TLL1: variants seen among roughly 807,000 people sequenced by gnomAD.
The protein encoded by TLL1 is tolloid like 1.
In TLL1, 49 loss-of-function variants were observed where a neutral mutation model predicts 128.2. That is an observed-to-expected ratio of 0.38 (90% CI 0.30 to 0.48). TLL1 has a LOEUF of 0.48. TLL1 is among the 20% of genes least tolerant of loss of function. The pLI is 0.96. For synonymous variants in TLL1, 454 were observed against 418.8 expected (o/e 1.08, Z -1.03); for missense variants, 1,123 against 1,242.0 (o/e 0.90, Z 1.44).
At chr4:166,009,157 T>A (rs79385438) in intron 7 of TLL1, among the ~76,000 whole-genome samples, 3,249 of 151,602 alleles carry the variant, frequency 0.021, 92 homozygotes, top group African/African-American at 0.074. Context: ...TTGATAGAAA[T>A]AACATGCTCA....
At chr4:166,065,322 T>C (rs1049486849) in intron 15 of TLL1, among the ~76,000 whole-genome samples, 2 of 152,088 alleles carry the variant, frequency 1.3e-5, no homozygotes, top group Non-Finnish European at 2.9e-5. Context: ...AAGTTACTAA[T>C]GGTGCTGTTC....
At chr4:165,909,189 A>AAAAAAAG (rs1462935873) in intron 1 of TLL1, among the ~76,000 whole-genome samples, 1 of 152,186 alleles carries the variant, frequency 6.6e-6, no homozygotes, top group Non-Finnish European at 1.5e-5. Flanking sequence ...TCCGTCTCAA[A>AAAAAAAG]AAAAAAGAAA....
chr4:166,092,362 A>C (rs1337174954), intron 19 of TLL1, among the ~76,000 whole-genome samples: 1 of 152,062 alleles, frequency 6.6e-6, no homozygotes, highest in Non-Finnish European at 1.5e-5. Flanking sequence ...TATTGTCAGG[A>C]TACTAATCTG....
Position 166,003,472 on chromosome 4 carries a change from T to G in TLL1, c.714T>G (p.Val238=). Residue 238 remains valine, a synonymous_variant, in exon 6 of 21, where the codon GTT becomes GTG. Transcript: ENST00000061240. ...IGKNCDKFGI[V]VHELGHVIGF... is the part of the protein sequence containing the mutation. ...AGAACTGTGATAAATTTGGGATTGT[T>G]GTTCATGAATTGGGTCATGTGATAG... is the stretch of plus-strand genomic sequence containing the variant. 3 of 1,614,042 alleles carry G rather than the reference T, an allele frequency of 1.9e-6. No individual in the cohort carries two copies. The highest frequency in any genetic ancestry group is 2.5e-6 in the Non-Finnish European group (3 of 1,179,966).
chr4:165,934,351 A>C (rs898413332), intron 1 of TLL1, among the ~76,000 whole-genome samples: 1 of 152,008 alleles, frequency 6.6e-6, no homozygotes, highest in African/African-American at 2.4e-5. Flanking sequence ...GCCTGCTGGG[A>C]AACACTTTTT....
rs28391614 is a variant in TLL1 at position 165,873,640 on chromosome 4, C to G, written c.-265C>G. On this transcript the variant is annotated 5_prime_UTR_variant, in exon 1 of 21. Transcript: ENST00000061240. Reference sequence around the variant, plus strand: ...AGTTTGCCTGCGCCCTCCCCGCCTCCGAGTGCAGAGTTCCTTACCTGCCCT... The same window carrying G: ...AGTTTGCCTGCGCCCTCCCCGCCTCGGAGTGCAGAGTTCCTTACCTGCCCT... 1.2e-5 allele frequency: 4 copies of G among 330,862 alleles called. No homozygotes were observed. Among genetic ancestry groups the G allele is most frequent in the Admixed American group, 4.7e-5 (1 of 21,466 alleles). The allele number at this position is 330,862 out of a possible 1,614,324, so 20.5% of individuals were successfully genotyped here.
Position 166,027,536 on chromosome 4 carries a change from C to G in TLL1, c.1158+2105C>G, listed in dbSNP as rs572933173. The stretch of plus-strand genomic sequence containing the variant: ...AAAAAGTTACAACTGACTTGGAATA[C>G]ATGAATGCATGCATAGTTCTTGATA... On this transcript the variant is annotated intron_variant, in intron 9 of 20. Coordinates refer to ENST00000061240, the MANE Select transcript of TLL1 (RefSeq NM_012464.5). Among the ~76,000 whole-genome samples the G allele has an allele frequency of 5.3e-5, 8 of 152,170 alleles. No homozygotes were observed. The South Asian group carries it at 1.7e-3, about 32-fold the overall frequency.
intron 1 of TLL1, among the ~76,000 whole-genome samples, chr4:165,884,152 G>T (rs1731078408): frequency 6.6e-6 from 1 of 152,194 alleles, no homozygotes; most frequent in Non-Finnish European, 1.5e-5. Flanking sequence ...ATTTACAGAA[G>T]TATGCCTCAC....
At chr4:165,951,629 G>A (rs1164030036) in intron 1 of TLL1, among the ~76,000 whole-genome samples, 1 of 152,112 alleles carries the variant, frequency 6.6e-6, no homozygotes, top group African/African-American at 2.4e-5. Flanking sequence ...TTACCCTAAT[G>A]ACATAGTACT....
At chr4:166,077,738 A>G (rs573539090) in intron 17 of TLL1, among the ~76,000 whole-genome samples, 165 bp from the exon 18 acceptor site, 43 of 152,290 alleles carry the variant, frequency 2.8e-4, no homozygotes, top group South Asian at 1.9e-3. Flanking sequence ...ATACTCAGCA[A>G]CGTATTTTCC....
At chr4:166,068,497 C>T (rs1740672831) in intron 16 of TLL1, among the ~76,000 whole-genome samples, 1 of 151,744 alleles carries the variant, frequency 6.6e-6, no homozygotes, top group African/African-American at 2.4e-5. Flanking sequence ...AGATATTATA[C>T]TTCACAAACA....
chr4:165,888,044 T>C (rs1731242452), intron 1 of TLL1, among the ~76,000 whole-genome samples: 1 of 152,226 alleles, frequency 6.6e-6, no homozygotes, highest in Admixed American at 6.5e-5. Context: ...TTTATATGTA[T>C]ATTCTTCATA....
intron 1 of TLL1, among the ~76,000 whole-genome samples, chr4:165,967,597 A>G (rs1735448331): frequency 6.6e-6 from 1 of 152,220 alleles, no homozygotes; most frequent in African/African-American, 2.4e-5. Flanking sequence ...ATTTTGCAAA[A>G]GAGTGATGTT....
chr4:166,015,469 A>G (rs2111052740), intron 8 of TLL1, among the ~76,000 whole-genome samples: 1 of 152,154 alleles, frequency 6.6e-6, no homozygotes, highest in East Asian at 1.9e-4. Context: ...AGTTTTACAT[A>G]GATAATTGGT....
Position 165,977,029 on chromosome 4 carries a change from T to C in TLL1, c.170-12352T>C, listed in dbSNP as rs543030565. 4.7e-4 allele frequency among the ~76,000 whole-genome samples: 72 copies of C among 152,288 alleles called. 1 individual carries two copies. The highest frequency in any genetic ancestry group is 1.7e-3 in the African/African-American group (69 of 41,564). On this transcript the variant is annotated intron_variant, in intron 1 of 20. Transcript: ENST00000061240. ...AGCCAAAAGATTGGATACCCCTGAA[T>C]GAAGAGATATTTAATCTTTAACTAT...
chr4:165,964,279 C>A (rs1019806724), intron 1 of TLL1, among the ~76,000 whole-genome samples: 1 of 152,136 alleles, frequency 6.6e-6, no homozygotes, highest in African/African-American at 2.4e-5. Flanking sequence ...ATTTAATAGG[C>A]TGTTGTGTAA....
rs549933755 is a variant in TLL1 at position 166,085,568 on chromosome 4, C to T, written c.2443-5560C>T. 3.3e-5 allele frequency among the ~76,000 whole-genome samples: 5 copies of T among 151,820 alleles called. No homozygotes were observed. In the South Asian group the frequency reaches 6.2e-4, roughly 19 times the overall value. The stretch of plus-strand genomic sequence containing the variant: ...TTTTTGTCCTTCATTCTGTTAATGT[C>T]GTGCATCACATTTATAGATCTGTGT... On this transcript the variant is annotated intron_variant, in intron 18 of 20. Transcript: ENST00000061240.
chr4:165,934,919 G>T (rs543917526), intron 1 of TLL1, among the ~76,000 whole-genome samples: 1 of 152,220 alleles, frequency 6.6e-6, no homozygotes, highest in African/African-American at 2.4e-5. Flanking sequence ...CCAAAGATCT[G>T]TGTTTTCTTT....
At chr4:165,930,269 T>C (rs1385024210) in intron 1 of TLL1, among the ~76,000 whole-genome samples, 3 of 152,200 alleles carry the variant, frequency 2.0e-5, no homozygotes, top group Admixed American at 6.5e-5. Context: ...CTTTTTCCTC[T>C]GGTATGTGTA....
Sources: gnomAD v4.1 joint callset for allele counts (sites outside exome capture counted in the v4.1 genomes callset) on GRCh38, gnomAD v4.1.1 for gene constraint, MANE v1.5 for transcripts, NCBI Gene and HGNC (gene_info 2026-07-23, HGNC 2026-07-21) for gene names.